LDB2: variants seen among roughly 807,000 people sequenced by gnomAD.
LDB2 encodes the protein LIM domain-binding protein 2.
In LDB2, 12 loss-of-function variants were observed where a neutral mutation model predicts 44.3. That is an observed-to-expected ratio of 0.27 (90% confidence interval 0.17 to 0.44). LDB2 has a LOEUF of 0.44. Ranked by LOEUF, LDB2 falls within the 20% of genes least tolerant of loss-of-function variation. LDB2 has a pLI of 1.00. For synonymous variants in LDB2, 164 were observed against 174.8 expected (o/e 0.94, Z 0.49); for missense variants, 344 against 473.5 (o/e 0.73, Z 2.54).
At chr4:16,568,525 C>G (rs1045694411) in intron 5 of LDB2, among the ~76,000 whole-genome samples, 1 of 152,150 alleles carries the variant, frequency 6.6e-6, no homozygotes, top group South Asian at 2.1e-4. Flanking sequence ...AGCCCACTAA[C>G]CCATCCCGAA....
intron 2 of LDB2, among the ~76,000 whole-genome samples, chr4:16,635,278 C>T (rs1207891471): frequency 6.6e-6 from 1 of 151,948 alleles, no homozygotes; most frequent in African/African-American, 2.4e-5. Flanking sequence ...TAACCCAGAA[C>T]TTAAAGTATA....
intron 2 of LDB2, among the ~76,000 whole-genome samples, chr4:16,695,081 A>T (rs549923014): frequency 6.6e-6 from 1 of 152,194 alleles, no homozygotes; most frequent in South Asian, 2.1e-4. Flanking sequence ...CCTAGCATGG[A>T]CTTGTAACTT....
At chr4:16,885,621 A>C (rs1721437569) in intron 1 of LDB2, among the ~76,000 whole-genome samples, 1 of 152,226 alleles carries the variant, frequency 6.6e-6, no homozygotes. Flanking sequence ...CTCTGGTTCT[A>C]GATCAACACT....
intron 2 of LDB2, among the ~76,000 whole-genome samples, chr4:16,669,095 T>G (rs1744069083): frequency 6.6e-6 from 1 of 152,116 alleles, no homozygotes; most frequent in South Asian, 2.1e-4. Context: ...TACCAGAAAG[T>G]GGAGAATGAA....
chr4:16,860,266 G>C (rs116168397), intron 1 of LDB2, among the ~76,000 whole-genome samples: 113 of 152,252 alleles, frequency 7.4e-4, no homozygotes, highest in African/African-American at 2.5e-3. Flanking sequence ...ATACTAATGA[G>C]ACCTTTAAGA....
chr4:16,518,208 C>G (rs1314616703), intron 5 of LDB2, among the ~76,000 whole-genome samples: 1 of 152,158 alleles, frequency 6.6e-6, no homozygotes, highest in Non-Finnish European at 1.5e-5. Context: ...TCTGACAGTT[C>G]TCCTGGAGAA....
At chr4:16,709,214 T>C (rs780047793) in intron 2 of LDB2, among the ~76,000 whole-genome samples, 1 of 152,238 alleles carries the variant, frequency 6.6e-6, no homozygotes, top group Non-Finnish European at 1.5e-5. Context: ...AGTTTTAAGA[T>C]AATGATATAT....
intron 1 of LDB2, among the ~76,000 whole-genome samples, chr4:16,799,803 G>GA (rs1389948554): frequency 6.6e-6 from 1 of 151,974 alleles, no homozygotes; most frequent in Non-Finnish European, 1.5e-5. Context: ...TGGAATTTCA[G>GA]AAAAAAACTT....
At chr4:16,508,765 A>C in intron 6 of LDB2, 79 bp from the exon 7 acceptor site, 1 of 1,397,432 alleles carries the variant, frequency 7.2e-7, no homozygotes, top group Non-Finnish European at 9.7e-7. Context: ...TACTCTAAGG[A>C]AGCTGTCTTG....
chr4:16,815,588 T>C (rs1295231881), intron 1 of LDB2, among the ~76,000 whole-genome samples: 4 of 152,206 alleles, frequency 2.6e-5, no homozygotes, highest in Non-Finnish European at 5.9e-5. Flanking sequence ...CTGTAGTCTG[T>C]CTTACAGCCT....
chr4:16,556,913 A>G (rs915760180), intron 5 of LDB2, among the ~76,000 whole-genome samples: 2 of 152,228 alleles, frequency 1.3e-5, no homozygotes, highest in Admixed American at 1.3e-4. Flanking sequence ...AGAAAACTCT[A>G]TGGTCAGAAA....
intron 2 of LDB2, among the ~76,000 whole-genome samples, chr4:16,654,809 G>A (rs955724725): frequency 2.6e-5 from 4 of 152,104 alleles, no homozygotes; most frequent in Admixed American, 6.6e-5. Context: ...ATAACAATAC[G>A]TTTTTAAGGG....
chr4:16,535,692 CAAT>C (rs1731584619), intron 5 of LDB2, among the ~76,000 whole-genome samples: 1 of 152,156 alleles, frequency 6.6e-6, no homozygotes, highest in Admixed American at 6.5e-5. Flanking sequence ...AAATGCTGGA[CAAT>C]AATAGTAAAC....
chr4:16,688,497 T>C (rs931333473), intron 2 of LDB2, among the ~76,000 whole-genome samples: 1 of 152,222 alleles, frequency 6.6e-6, no homozygotes, highest in Non-Finnish European at 1.5e-5. Flanking sequence ...TATTCCATTT[T>C]CTTAAAAAAG....
intron 2 of LDB2, among the ~76,000 whole-genome samples, chr4:16,690,599 G>C (rs1424345006): frequency 6.6e-6 from 1 of 150,916 alleles, no homozygotes; most frequent in African/African-American, 2.4e-5. Flanking sequence ...GGAAAGGAAA[G>C]GGAAGAAAGA....
chr4:16,683,205 T>C (rs1748391790), intron 2 of LDB2, among the ~76,000 whole-genome samples: 1 of 152,184 alleles, frequency 6.6e-6, no homozygotes, highest in Non-Finnish European at 1.5e-5. Flanking sequence ...TCTAAATACA[T>C]TCATGTTTGG....
intron 1 of LDB2, among the ~76,000 whole-genome samples, chr4:16,844,293 T>C (rs1298466156): frequency 1.5e-5 from 2 of 136,596 alleles, no homozygotes; most frequent in Admixed American, 7.5e-5. Context: ...CAATGGTGAG[T>C]CACCAAGCAA....
intron 2 of LDB2, among the ~76,000 whole-genome samples, chr4:16,655,519 C>T (rs989712962): frequency 2.0e-5 from 3 of 152,130 alleles, no homozygotes; most frequent in Non-Finnish European, 2.9e-5. Context: ...CACAATCGTC[C>T]GTTACACAAA....
Position 16,595,873 on chromosome 4 carries a change from T to C in LDB2, c.238A>G (p.Ile80Val). 1.9e-6 allele frequency: 3 copies of C among 1,612,994 alleles called. No individual in the cohort carries two copies. Among genetic ancestry groups the C allele is most frequent in the South Asian group, 1.1e-5 (1 of 90,950 alleles). ...TAACGGGGGATGAGGGTCCTGCCGA[T>C]AGCTGGGAGAGAAACACAGAGAAAC... ...CLEDGPKRYTIGRTLIPRYFS... is the reference protein window; with the variant it reads ...CLEDGPKRYTVGRTLIPRYFS... Residue 80 changes from isoleucine (I) to valine (V), a missense_variant and splice_region_variant, in exon 3 of 8, where the codon ATC becomes GTC. Around this residue, in one of 3 missense-constraint regions of LDB2, gnomAD observed 226 missense variants for 270.1 expected, o/e 0.84. Coordinates refer to ENST00000304523, the MANE Select transcript of LDB2 (RefSeq NM_001290.5).
Sources: allele counts gnomAD v4.1 joint callset (sites outside exome capture counted in the v4.1 genomes callset), GRCh38; gene constraint gnomAD v4.1.1; regional missense constraint gnomAD v4.1.1; transcripts MANE v1.5; gene names NCBI Gene and HGNC (gene_info 2026-07-23, HGNC 2026-07-21).